BRINP2: variants seen among roughly 807,000 people sequenced by gnomAD.
BRINP2 encodes BMP/retinoic acid-inducible neural-specific protein 2.
Under a neutral mutation model 69.2 loss-of-function variants are expected in BRINP2, and 21 were observed. That is an observed-to-expected ratio of 0.30 (90% CI 0.22 to 0.44). The LOEUF (loss-of-function observed/expected upper bound fraction) is 0.44, where lower values mean the gene tolerates loss of function less well. Ranked by LOEUF, BRINP2 falls within the 20% of genes least tolerant of loss-of-function variation. The pLI, the probability that BRINP2 is intolerant of heterozygous loss-of-function variation, is 1.00. For synonymous variants in BRINP2, 380 were observed against 394.1 expected (o/e 0.96, Z 0.42); for missense variants, 877 against 986.0 (o/e 0.89, Z 1.48).
At chr1:177,198,229 G>C (rs534752686) in intron 1 of BRINP2, among the ~76,000 whole-genome samples, 1 of 152,154 alleles carries the variant, frequency 6.6e-6, no homozygotes, top group South Asian at 2.1e-4. Context: ...ACAGACAAAG[G>C]TATAGATTTG....
At chr1:177,186,063 T>G (rs978124081) in intron 1 of BRINP2, among the ~76,000 whole-genome samples, 1 of 152,340 alleles carries the variant, frequency 6.6e-6, no homozygotes, top group South Asian at 2.1e-4. Flanking sequence ...ACAAGGATGA[T>G]TCATGGATAG....
At chr1:177,198,202 A>G (rs187056015) in intron 1 of BRINP2, among the ~76,000 whole-genome samples, 2 of 152,344 alleles carry the variant, frequency 1.3e-5, no homozygotes, top group Admixed American at 6.5e-5. Flanking sequence ...AAATGTTCAC[A>G]TATATATTAC....
In BRINP2 at chr1:177,255,911, T is replaced by C; in HGVS notation, c.270-8T>C. On this transcript the variant is annotated splice_polypyrimidine_tract_variant and splice_region_variant and intron_variant, in intron 2 of 7. Transcript: ENST00000361539. ...CAGCTTTTCCTTATCCCTTGGCTTT[T>C]CCCCCAGGGAGTTTGCCCGTTGGAA... 6.2e-7 allele frequency: 1 copy of C among 1,613,170 alleles called. No homozygotes were observed. The highest frequency in any genetic ancestry group is 1.1e-5 in the South Asian group (1 of 90,908).
At chr1:177,268,715 A>T (rs889692336) in intron 4 of BRINP2, among the ~76,000 whole-genome samples, 3 of 152,112 alleles carry the variant, frequency 2.0e-5, no homozygotes, top group African/African-American at 7.2e-5. Context: ...CCAAGACACT[A>T]GGTCTTAGAG....
At chr1:177,230,894 T>C (rs938760170) in intron 2 of BRINP2, among the ~76,000 whole-genome samples, 3 of 152,232 alleles carry the variant, frequency 2.0e-5, no homozygotes, top group Non-Finnish European at 4.4e-5. Flanking sequence ...ACTTGCCCCC[T>C]TGCCATTTTT....
At chr1:177,219,221 C>T (rs1649456874) in intron 1 of BRINP2, among the ~76,000 whole-genome samples, 3 of 152,136 alleles carry the variant, frequency 2.0e-5, no homozygotes, top group Non-Finnish European at 4.4e-5. Flanking sequence ...CAAGCTAGCT[C>T]CTGCCACCAC....
chr1:177,182,990 TG>T (rs1162466771), intron 1 of BRINP2, among the ~76,000 whole-genome samples: 4 of 151,874 alleles, frequency 2.6e-5, no homozygotes, highest in Non-Finnish European at 2.9e-5. Context: ...TTTCTTTTTT[TG>T]CCCTGTCTCA....
chr1:177,212,076 GATAGA>G (rs1649237901), intron 1 of BRINP2, among the ~76,000 whole-genome samples: 1 of 146,288 alleles, frequency 6.8e-6, no homozygotes, highest in Middle Eastern at 3.2e-3. Flanking sequence ...CAGATAGATA[GATAGA>G]TAGATAGATA....
chr1:177,276,115 C>A, intron 5 of BRINP2, 83 bp from the exon 6 acceptor site: 1 of 1,296,490 alleles, frequency 7.7e-7, no homozygotes, highest in Non-Finnish European at 1.1e-6. Flanking sequence ...AGAACTCCAG[C>A]TGGGATTCCT....
Position 177,257,375 on chromosome 1 carries a change from G to T in BRINP2, c.660G>T (p.Gly220=), listed in dbSNP as rs372957149. Residue 220 remains glycine, a synonymous_variant, in exon 4 of 8, where the codon GGG becomes GGT. Coordinates refer to ENST00000361539, the MANE Select transcript of BRINP2 (RefSeq NM_021165.4). ...RRLHHIQIAT[G]AIKVTETRTG... ...TGCACCATATCCAGATAGCCACGGGGGCCATCAAGGTAATGACCTGAGAGG... is the reference window on the plus strand; with the variant it reads ...TGCACCATATCCAGATAGCCACGGGTGCCATCAAGGTAATGACCTGAGAGG... 6.2e-7 allele frequency: 1 copy of T among 1,609,618 alleles called. No individual in the cohort carries two copies. Among genetic ancestry groups the T allele is most frequent in the Non-Finnish European group, 8.5e-7 (1 of 1,176,950 alleles).
chr1:177,246,931 G>A (rs551861893), intron 2 of BRINP2, among the ~76,000 whole-genome samples: 16 of 152,142 alleles, frequency 1.1e-4, no homozygotes, highest in Admixed American at 2.6e-4. Flanking sequence ...CCTCTGTATT[G>A]GAGCCAAAGT....
At chr1:177,238,531 G>A (rs745924707) in intron 2 of BRINP2, among the ~76,000 whole-genome samples, 5 of 152,210 alleles carry the variant, frequency 3.3e-5, no homozygotes, top group Non-Finnish European at 7.4e-5. Context: ...ACTGTGAGGA[G>A]GGGGAGATGA....
chr1:177,189,310 G>A (rs189136127), intron 1 of BRINP2, among the ~76,000 whole-genome samples: 273 of 152,256 alleles, frequency 1.8e-3, no homozygotes, highest in African/African-American at 6.3e-3. Context: ...TCACTTGATA[G>A]GTGAGACTTG....
intron 3 of BRINP2, 95 bp from the exon 4 acceptor site, chr1:177,257,081 A>G (rs774131619): frequency 1.9e-5 from 30 of 1,577,462 alleles, no homozygotes; most frequent in African/African-American, 8.0e-5. Context: ...ACTCTCTCTC[A>G]GCTGTGTCTA....
chr1:177,234,569 A>G (rs574512052), intron 2 of BRINP2, among the ~76,000 whole-genome samples: 1 of 152,350 alleles, frequency 6.6e-6, no homozygotes, highest in Non-Finnish European at 1.5e-5. Flanking sequence ...ACAAAATCCA[A>G]GCCACTATGA....
intron 4 of BRINP2, among the ~76,000 whole-genome samples, chr1:177,259,002 G>T (rs936136653): frequency 1.3e-5 from 2 of 152,164 alleles, no homozygotes; most frequent in Non-Finnish European, 2.9e-5. Context: ...GAAATCAAAA[G>T]CTAGAAATAA....
chr1:177,273,354 G>A (rs1220547003), intron 4 of BRINP2, 134 bp from the exon 5 acceptor site: 14 of 513,820 alleles, frequency 2.7e-5, no homozygotes, highest in East Asian at 9.7e-5. Context: ...TCTGGAGTAC[G>A]AAAAGGGACG....
rs1571954212 is a variant in BRINP2, at chr1:177,281,662, A to G, written c.*134A>G. ...TCAGCATCCAGTAGATGGGACCTCG[A>G]GGCTCGAGCTGAAGCAGGCGAGAGA... On this transcript the variant is annotated 3_prime_UTR_variant, in exon 8 of 8. Coordinates refer to ENST00000361539, the MANE Select transcript of BRINP2 (RefSeq NM_021165.4). 1 of 1,217,608 alleles carries G rather than the reference A, an allele frequency of 8.2e-7. No individual in the cohort carries two copies. The highest frequency in any genetic ancestry group is 1.1e-6 in the Non-Finnish European group (1 of 881,888). 75.4% of individuals were successfully genotyped at this position (1,217,608 alleles called of 1,614,324 possible).
At chr1:177,212,079 A>C (rs1558161214) in intron 1 of BRINP2, among the ~76,000 whole-genome samples, 1 of 146,596 alleles carries the variant, frequency 6.8e-6, no homozygotes, top group Non-Finnish European at 1.5e-5. Flanking sequence ...ATAGATAGAT[A>C]GATAGATAGA....
Sources: gnomAD v4.1 joint callset for allele counts (sites outside exome capture counted in the v4.1 genomes callset) on GRCh38, gnomAD v4.1.1 for gene constraint, MANE v1.5 for transcripts, NCBI Gene and HGNC (gene_info 2026-07-23, HGNC 2026-07-21) for gene names.